Variants in CEP89 observed in about 807,000 individuals in gnomAD.
The protein encoded by CEP89 is centrosomal protein of 89 kDa.
CEP89 carries 95 observed loss-of-function variants against 97.6 expected under a neutral mutation model. The ratio of observed to expected loss-of-function variants is 0.97; its 90% CI spans 0.82 to 1.15. CEP89 has a LOEUF of 1.15. Among genes scored for constraint, CEP89 ranks in the 50% most tolerant of loss-of-function variants. CEP89 has a pLI of 0.00. For synonymous variants in CEP89, 354 were observed against 349.1 expected (o/e 1.01, Z -0.16); for missense variants, 869 against 947.7 (o/e 0.92, Z 1.09).
intron 16 of CEP89, among the ~76,000 whole-genome samples, chr19:32,891,613 A>C (rs1302861728): frequency 6.6e-6 from 1 of 152,174 alleles, no homozygotes; most frequent in Admixed American, 6.5e-5. Flanking sequence ...TAAACACTAT[A>C]AAGAAATCAG....
At chr19:32,887,019 A>C (rs1369348575) in intron 17 of CEP89, among the ~76,000 whole-genome samples, 4 of 128,846 alleles carry the variant, frequency 3.1e-5, no homozygotes, top group African/African-American at 1.2e-4. Flanking sequence ...CTAAACAAAA[A>C]AAAAAAATAC....
At chr19:32,950,020 CTTT>C (rs36042141) in intron 4 of CEP89, among the ~76,000 whole-genome samples, 1 of 143,606 alleles carries the variant, frequency 7.0e-6, no homozygotes. Context: ...TGGCCCCGTA[CTTT>C]TTTTTTTTTT....
intron 3 of CEP89, 61 bp from the exon 4 acceptor site, chr19:32,953,862 A>AAT: frequency 3.7e-6 from 4 of 1,094,864 alleles, no homozygotes; most frequent in Non-Finnish European, 3.9e-6. Flanking sequence ...GACACTGATA[A>AAT]ATATCTTTTT....
At chr19:32,953,964 G>A (rs1372822343) in intron 3 of CEP89, among the ~76,000 whole-genome samples, 163 bp from the exon 4 acceptor site, 1 of 151,128 alleles carries the variant, frequency 6.6e-6, no homozygotes, top group African/African-American at 2.4e-5. Flanking sequence ...CGCCTCGTGG[G>A]TTCACGCCAT....
At chr19:32,894,229 A>C (rs1969592627) in intron 16 of CEP89, among the ~76,000 whole-genome samples, 1 of 152,176 alleles carries the variant, frequency 6.6e-6, no homozygotes, top group Non-Finnish European at 1.5e-5. Flanking sequence ...AGGCAGGATA[A>C]GTAAAGTTAT....
intron 3 of CEP89, 125 bp downstream of exon 3, chr19:32,959,775 A>T: frequency 1.0e-6 from 1 of 967,980 alleles, no homozygotes; most frequent in Non-Finnish European, 1.5e-6. Context: ...ATGCATGAGC[A>T]CCCACGCACC....
In CEP89 at chr19:32,971,701, C is replaced by T. The variant is rs1171690007; in HGVS notation, c.39+135G>A. ...TTTAGAACACGAAAAATCAAGGCTTCCTCAACTGAAAACCACTTTCTCTTG... is the reference window on the plus strand; with the variant it reads ...TTTAGAACACGAAAAATCAAGGCTTTCTCAACTGAAAACCACTTTCTCTTG... On this transcript the variant is annotated intron_variant, in intron 1 of 18. Transcript: ENST00000305768. The T allele has an allele frequency of 6.1e-6, 5 of 819,896 alleles. No individual in the cohort carries two copies. The Admixed American group carries it at 7.5e-5, about 12-fold the overall frequency. 50.8% of individuals were successfully genotyped at this position (819,896 alleles called of 1,614,324 possible).
chr19:32,898,762 G>A (rs1969698471), intron 16 of CEP89, among the ~76,000 whole-genome samples: 1 of 151,588 alleles, frequency 6.6e-6, no homozygotes, highest in South Asian at 2.1e-4. Context: ...TGCACCTGTA[G>A]TCCCAGCTAC....
At chr19:32,918,890 T>C (rs1216668265) in intron 12 of CEP89, among the ~76,000 whole-genome samples, 6 of 146,264 alleles carry the variant, frequency 4.1e-5, no homozygotes, top group South Asian at 2.2e-4. Flanking sequence ...TTTTCTTTTT[T>C]TTTTTTTTTT....
At chr19:32,897,792 A>G (rs1288055935) in intron 16 of CEP89, among the ~76,000 whole-genome samples, 2 of 152,052 alleles carry the variant, frequency 1.3e-5, no homozygotes, top group Non-Finnish European at 2.9e-5. Context: ...AAACTCCTGG[A>G]CCCAAGTGAT....
chr19:32,891,645 T>C (rs1969519341), intron 16 of CEP89, among the ~76,000 whole-genome samples: 2 of 151,910 alleles, frequency 1.3e-5, no homozygotes, highest in South Asian at 4.2e-4. Context: ...AGGATATGAA[T>C]GAGGAATTCA....
chr19:32,937,714 T>C, intron 6 of CEP89, 41 bp from the exon 7 acceptor site: 2 of 1,480,340 alleles, frequency 1.4e-6, no homozygotes, highest in Non-Finnish European at 1.9e-6. Flanking sequence ...TGCAGAGCAT[T>C]AGTGTTTTAT....
intron 3 of CEP89, among the ~76,000 whole-genome samples, chr19:32,955,888 A>C (rs1315866103): frequency 6.6e-6 from 1 of 152,142 alleles, no homozygotes; most frequent in Non-Finnish European, 1.5e-5. Flanking sequence ...TCATTTCTCC[A>C]AGCTATAAAT....
At position 32,966,423 on chromosome 19, in the gene CEP89, G is replaced by A. The variant is rs750235797; in HGVS notation, c.83C>T (p.Pro28Leu). 13 of 1,562,738 alleles carry A rather than the reference G, an allele frequency of 8.3e-6. No individual in the cohort carries two copies. The highest frequency in any genetic ancestry group is 6.9e-5 in the African/African-American group (5 of 72,734). The change falls in exon 2 of 19, where the codon CCG becomes CTG. Residue 28 changes from proline (P) to leucine (L), a missense_variant. Physicochemically the swap from Pro to Leu is moderately conservative, Grantham distance 98 (BLOSUM62 -3). Coordinates refer to ENST00000305768, the MANE Select transcript of CEP89 (RefSeq NM_032816.5). ...AGGTGTGCGTGGCACAGCTGCCTTC[G>A]GAGCAACGCTGGCTGCAGGTAAAAG... ...HGLLPAASVA[P>L]KAAVPRTPPP... is the part of the protein sequence containing the mutation.
At chr19:32,927,903 C>CTTTTTTTTTTTTTTTTTTT in intron 9 of CEP89, among the ~76,000 whole-genome samples, 1 of 116,348 alleles carries the variant, frequency 8.6e-6, no homozygotes, top group Non-Finnish European at 1.7e-5. Context: ...GCACACTTGG[C>CTTTTTTTTTTTTTTTTTTT]TTTTTTTTTT....
intron 15 of CEP89, 71 bp downstream of exon 15, chr19:32,901,174 C>T (rs899316304): frequency 6.8e-7 from 1 of 1,474,484 alleles, no homozygotes; most frequent in Non-Finnish European, 9.3e-7. Flanking sequence ...GAGTGAGCCA[C>T]TGTACCCAGA....
Position 32,960,014 on chromosome 19 carries a change from C to T in CEP89, c.191G>A (p.Arg64Gln), listed in dbSNP as rs116019599. ...GCGAGGCTGAGGAATAGCAACCGTC[C>T]GCCCAGTCAATGTTGTCGCCAGAAT... ...AAILATTLTG[R>Q]TVAIPQPRQR... Residue 64 changes from arginine (R) to glutamine (Q), a missense_variant, in exon 3 of 19, where the codon CGG becomes CAG. Physicochemically the swap from Arg to Gln is conservative, Grantham distance 43. Transcript: ENST00000305768. 502 of 1,614,236 alleles carry T rather than the reference C, an allele frequency of 3.1e-4. 1 individual carries two copies. The African/African-American group carries it at 5.7e-3, about 18-fold the overall frequency.
chr19:32,941,148 G>GA (rs999608027), intron 5 of CEP89, among the ~76,000 whole-genome samples: 18 of 152,048 alleles, frequency 1.2e-4, no homozygotes, highest in African/African-American at 3.9e-4. Flanking sequence ...AAAAATAGGT[G>GA]AAAAAACCCT....
chr19:32,945,915 C>T lies in CEP89; in HGVS notation c.595+2351G>A, dbSNP rs912818800. Among the ~76,000 whole-genome samples, 11 of 152,266 alleles carry T rather than the reference C, an allele frequency of 7.2e-5. No individual in the cohort carries two copies. In the East Asian group the frequency reaches 1.9e-3, roughly 27 times the overall value. On this transcript the variant is annotated intron_variant, in intron 5 of 18. Transcript: ENST00000305768. ...GGCAGCCCCTCAGCAAACTTCTTGG[C>T]CACCCGGCAGGCCACAGCTACATCC...
Sources: allele counts gnomAD v4.1 joint callset (sites outside exome capture counted in the v4.1 genomes callset), GRCh38; gene constraint gnomAD v4.1.1; transcripts MANE v1.5; gene names NCBI Gene and HGNC (gene_info 2026-07-23, HGNC 2026-07-21).